The following PTPRA variants were observed in gnomAD, a reference collection of about 807,000 sequenced individuals.
PTPRA encodes protein tyrosine phosphatase receptor type A.
A neutral mutation model predicts 104.8 loss-of-function variants in PTPRA; 25 were observed. That is an observed-to-expected ratio of 0.24 (90% CI 0.17 to 0.33). PTPRA has a LOEUF of 0.33. PTPRA is among the 10% of genes least tolerant of loss of function. The pLI, the probability that PTPRA is intolerant of heterozygous loss-of-function variation, is 1.00. For missense variants in PTPRA, 765 were observed against 1,015.3 expected (o/e 0.75, Z 3.35); for synonymous variants, 323 against 368.9 (o/e 0.88, Z 1.43).
At chr20:2,909,984 AT>A (rs1442539559) in intron 1 of PTPRA, among the ~76,000 whole-genome samples, 1,399 of 100,940 alleles carry the variant, frequency 0.014, 28 homozygotes, top group African/African-American at 0.047. Context: ...AATCTATCAT[AT>A]ATCATATATA....
At chr20:2,908,600 C>T (rs1281551227) in intron 1 of PTPRA, among the ~76,000 whole-genome samples, 1 of 152,036 alleles carries the variant, frequency 6.6e-6, no homozygotes, top group Admixed American at 6.6e-5. Flanking sequence ...GCCTTAAAAG[C>T]ATGACATTCA....
chr20:2,883,075 C>T (rs1283385462), intron 1 of PTPRA, among the ~76,000 whole-genome samples: 1 of 150,562 alleles, frequency 6.6e-6, no homozygotes, highest in Non-Finnish European at 1.5e-5. Flanking sequence ...GCCTTGACCT[C>T]CTGGGCTCGG....
At chr20:2,898,013 A>G (rs542956385) in intron 1 of PTPRA, among the ~76,000 whole-genome samples, 42 of 149,538 alleles carry the variant, frequency 2.8e-4, no homozygotes, top group African/African-American at 1.0e-3. Flanking sequence ...CCCAGGTTCA[A>G]GCGATCCTCC....
intron 16 of PTPRA, among the ~76,000 whole-genome samples, chr20:3,023,242 C>T (rs2064969758): frequency 2.6e-5 from 4 of 152,198 alleles, no homozygotes; most frequent in African/African-American, 7.2e-5. Context: ...TGCGGAAGGC[C>T]GCAGGGACCT....
At chr20:2,956,302 G>A (rs1600169668) in intron 3 of PTPRA, among the ~76,000 whole-genome samples, 1 of 152,294 alleles carries the variant, frequency 6.6e-6, no homozygotes, top group Non-Finnish European at 1.5e-5. Flanking sequence ...AGTGTGTTCA[G>A]TGGTAAGTTA....
Position 2,931,269 on chromosome 20 carries a change from A to G in PTPRA, c.-50+7984A>G, listed in dbSNP as rs1341128202. 3.6e-4 allele frequency among the ~76,000 whole-genome samples: 55 copies of G among 152,156 alleles called. 1 individual carries two copies. Among genetic ancestry groups the G allele is most frequent in the Admixed American group, 3.6e-3 (55 of 15,266 alleles). On this transcript the variant is annotated intron_variant, in intron 2 of 23. Coordinates refer to ENST00000399903, the MANE Select transcript of PTPRA (RefSeq NM_001385305.1). ...CATGAAATGGGTTGGTGGTTATGCA[A>G]GTAGAAAGACCAGAGAGAACCTGGG...
intron 11 of PTPRA, among the ~76,000 whole-genome samples, chr20:3,008,706 G>A (rs1317191610): frequency 1.5e-5 from 2 of 131,324 alleles, no homozygotes; most frequent in African/African-American, 5.2e-5. Context: ...GCCTGACCAA[G>A]ATGGTGAAAC....
At chr20:2,988,754 A>G (rs988583760) in intron 9 of PTPRA, among the ~76,000 whole-genome samples, 3 of 152,202 alleles carry the variant, frequency 2.0e-5, no homozygotes, top group African/African-American at 7.2e-5. Context: ...TTGTCAGGTA[A>G]TATTCTAGTT....
chr20:2,917,753 C>T (rs1052110404), intron 1 of PTPRA, among the ~76,000 whole-genome samples: 1 of 151,484 alleles, frequency 6.6e-6, no homozygotes, highest in Non-Finnish European at 1.5e-5. Context: ...GGGAGGATTG[C>T]TTGAGCCTGG....
At chr20:3,023,853 T>C (rs1600272848) in intron 16 of PTPRA, among the ~76,000 whole-genome samples, 2 of 152,238 alleles carry the variant, frequency 1.3e-5, no homozygotes, top group South Asian at 4.1e-4. Context: ...TCGTCCCACC[T>C]GACGAGAAAC....
At chr20:3,018,329 G>A (rs886348409) in intron 13 of PTPRA, among the ~76,000 whole-genome samples, 13 of 152,126 alleles carry the variant, frequency 8.5e-5, no homozygotes, top group Non-Finnish European at 1.8e-4. Flanking sequence ...AGATAAACAA[G>A]TGAACAAAGG....
At chr20:3,020,203 G>A (rs1483856869) in intron 13 of PTPRA, among the ~76,000 whole-genome samples, 1 of 151,734 alleles carries the variant, frequency 6.6e-6, no homozygotes, top group African/African-American at 2.4e-5. Flanking sequence ...CCGCCTCCCG[G>A]GTTCACACCA....
the PTPRA span, chr20:2,866,549 C>G: frequency 6.2e-7 from 1 of 1,614,148 alleles, no homozygotes; most frequent in Non-Finnish European, 8.5e-7. Flanking sequence ...ATTCAACGGG[C>G]CAGGGCACAA....
At chr20:2,986,904 C>T in intron 7 of PTPRA, 55 bp downstream of exon 7, 1 of 1,443,826 alleles carries the variant, frequency 6.9e-7, no homozygotes, top group East Asian at 2.3e-5. Context: ...ATCCCAGTGT[C>T]CCAATGAACC....
At chr20:2,904,591 C>T (rs896599387) in intron 1 of PTPRA, among the ~76,000 whole-genome samples, 15 of 150,182 alleles carry the variant, frequency 1.0e-4, no homozygotes, top group Admixed American at 4.6e-4. Flanking sequence ...ATCACTTGAA[C>T]CCAGGAGGCA....
intron 6 of PTPRA, among the ~76,000 whole-genome samples, chr20:2,980,003 TC>T (rs886772135): frequency 1.2e-4 from 19 of 152,208 alleles, no homozygotes; most frequent in African/African-American, 4.6e-4. Flanking sequence ...ACCTCTGCCT[TC>T]CAGGTTCAAA....
chr20:2,898,016 G>A (rs948647173), intron 1 of PTPRA, among the ~76,000 whole-genome samples: 1 of 148,100 alleles, frequency 6.8e-6, no homozygotes, highest in Non-Finnish European at 1.5e-5. Flanking sequence ...AGGTTCAAGC[G>A]ATCCTCCTGC....
At chr20:3,018,638 A>G (rs914789274) in intron 13 of PTPRA, among the ~76,000 whole-genome samples, 5 of 151,788 alleles carry the variant, frequency 3.3e-5, no homozygotes, top group Non-Finnish European at 7.4e-5. Context: ...CCACACAGAC[A>G]CGGCAACCAT....
the PTPRA span, chr20:2,866,755 A>G: frequency 1.1e-6 from 1 of 929,216 alleles, no homozygotes; most frequent in Non-Finnish European, 1.6e-6. Flanking sequence ...TACACAGTCC[A>G]GCCTAAGCAA....
Sources: gnomAD v4.1 joint callset for allele counts (sites outside exome capture counted in the v4.1 genomes callset) on GRCh38, gnomAD v4.1.1 for gene constraint, MANE v1.5 for transcripts, NCBI Gene and HGNC (gene_info 2026-07-23, HGNC 2026-07-21) for gene names.